Variants in USP30 observed in about 807,000 individuals in gnomAD.
The protein encoded by USP30 is ubiquitin carboxyl-terminal hydrolase 30.
A neutral mutation model predicts 68.2 loss-of-function variants in USP30; 41 were observed. The ratio of observed to expected loss-of-function variants is 0.60; its 90% CI spans 0.47 to 0.78. The LOEUF (loss-of-function observed/expected upper bound fraction) is 0.78. USP30 is among the 30% of genes least tolerant of loss of function. The pLI, the probability that USP30 is intolerant of heterozygous loss-of-function variation, is 0.00. For synonymous variants in USP30, 229 were observed against 253.7 expected, an observed-to-expected ratio of 0.90 and a Z score of 0.93; for missense variants, 522 against 649.4, an observed-to-expected ratio of 0.80 and a Z score of 2.13.
chr12:109,038,909 T>G (rs1021640544), intron 3 of USP30, among the ~76,000 whole-genome samples: 4 of 152,214 alleles, frequency 2.6e-5, no homozygotes, highest in African/African-American at 9.6e-5. Flanking sequence ...TCTCATATAC[T>G]GTATTGTGAA....
chr12:109,046,406 C>A (rs2040605514), intron 3 of USP30, among the ~76,000 whole-genome samples: 1 of 138,328 alleles, frequency 7.2e-6, no homozygotes, highest in African/African-American at 2.5e-5. Flanking sequence ...AGCCATTGCA[C>A]CCAGCCCAGT....
chr12:109,035,805 T>A (rs2040514799), intron 3 of USP30, among the ~76,000 whole-genome samples: 1 of 152,218 alleles, frequency 6.6e-6, no homozygotes, highest in Non-Finnish European at 1.5e-5. Flanking sequence ...CCCATCAGCA[T>A]AAATTTATAA....
At chr12:109,039,795 G>A (rs1354588163) in intron 3 of USP30, among the ~76,000 whole-genome samples, 1 of 152,160 alleles carries the variant, frequency 6.6e-6, no homozygotes, top group Non-Finnish European at 1.5e-5. Context: ...ATTTTTGGTA[G>A]AGATGTGGTT....
Position 109,057,781 on chromosome 12 carries a change from T to C in USP30, c.194-145T>C. On this transcript the variant is annotated intron_variant, in intron 2 of 12. Coordinates refer to ENST00000257548, the MANE Select transcript of USP30 (RefSeq NM_032663.5). ...CAAGCCTTGGCACAGATAGAAGGCC[T>C]GGCCCCAGATCTCTGTGGATAAGGA... 4.5e-6 allele frequency: 4 copies of C among 887,510 alleles called. No homozygotes were observed. The South Asian group carries it at 5.1e-5, about 11-fold the overall frequency. The allele number at this position is 887,510 out of a possible 1,614,324, so 55.0% of individuals were successfully genotyped here.
chr12:109,053,751 A>T (rs979311575), intron 1 of USP30: 1 of 266,348 alleles, frequency 3.8e-6, no homozygotes, highest in East Asian at 1.1e-4. Flanking sequence ...TCTCCTCGTG[A>T]TGTCATTTTG....
chr12:109,043,613 G>T (rs115798645), intron 3 of USP30, among the ~76,000 whole-genome samples: 1,860 of 152,242 alleles, frequency 0.012, 40 homozygotes, highest in African/African-American at 0.042. Context: ...GACCTAAAAT[G>T]ATAAAACTCT....
chr12:109,064,977 G>A (rs550528086), intron 3 of USP30, among the ~76,000 whole-genome samples: 50 of 152,258 alleles, frequency 3.3e-4, no homozygotes, highest in South Asian at 4.2e-4. Flanking sequence ...GCTAGCCCCA[G>A]GGTATATACA....
chr12:109,066,480 C>T (rs1324293724), intron 3 of USP30, among the ~76,000 whole-genome samples: 1 of 152,020 alleles, frequency 6.6e-6, no homozygotes, highest in South Asian at 2.1e-4. Context: ...GTTAGGAGTT[C>T]GAGACCAGCG....
At chr12:109,045,711 G>T (rs1451491746) in intron 3 of USP30, among the ~76,000 whole-genome samples, 1 of 152,168 alleles carries the variant, frequency 6.6e-6, no homozygotes, top group Non-Finnish European at 1.5e-5. Context: ...GGTCTTGTCG[G>T]TAACAAGTTT....
chr12:109,079,339 C>CTTTTTTTTTT (rs750712233), intron 7 of USP30, among the ~76,000 whole-genome samples: 84 of 62,274 alleles, frequency 1.3e-3, no homozygotes, highest in African/African-American at 1.5e-3. Context: ...TTTTCTTTTT[C>CTTTTTTTTTT]TTTTTTTTTT....
At chr12:109,074,873 T>TCTCCCCAC (rs1156694853) in intron 7 of USP30, among the ~76,000 whole-genome samples, 2 of 152,200 alleles carry the variant, frequency 1.3e-5, no homozygotes, top group African/African-American at 4.8e-5. Context: ...TTGAGCAACA[T>TCTCCCCAC]CTCCCCACCT....
intron 3 of USP30, among the ~76,000 whole-genome samples, chr12:109,043,777 A>G (rs1461225815): frequency 1.3e-5 from 2 of 152,262 alleles, no homozygotes; most frequent in Non-Finnish European, 2.9e-5. Flanking sequence ...CACTATCAAG[A>G]GTAAGAAAGC....
chr12:109,052,567 G>T, upstream of USP30: 2 of 1,128,178 alleles, frequency 1.8e-6, no homozygotes, highest in Non-Finnish European at 2.4e-6. Context: ...CCCCCGAGGT[G>T]CTGGGACTGC....
At chr12:109,060,140 G>A (rs1194007779) in intron 3 of USP30, 1 of 152,046 alleles carries the variant, frequency 6.6e-6, no homozygotes, top group Non-Finnish European at 1.5e-5. Context: ...TTTAATTTGG[G>A]TGAGGGCATA....
chr12:109,080,928 C>T (rs7961606), intron 7 of USP30, among the ~76,000 whole-genome samples: 5,104 of 152,242 alleles, frequency 0.034, 275 homozygotes, highest in African/African-American at 0.12. Context: ...GCGCGCTCTG[C>T]GATGTTTACA....
intron 4 of USP30, among the ~76,000 whole-genome samples, 158 bp from the exon 5 acceptor site, chr12:109,071,454 G>A (rs1253931797): frequency 6.6e-6 from 1 of 152,178 alleles, no homozygotes; most frequent in Non-Finnish European, 1.5e-5. Context: ...TCGTGACAGT[G>A]TCCAGGACAT....
At chr12:109,035,322 T>C (rs2040510758) in intron 3 of USP30, among the ~76,000 whole-genome samples, 1 of 151,950 alleles carries the variant, frequency 6.6e-6, no homozygotes. Flanking sequence ...CCCTGGAGAT[T>C]ACCATTACCA....
intron 7 of USP30, among the ~76,000 whole-genome samples, chr12:109,078,235 C>T (rs910372468): frequency 1.3e-5 from 2 of 152,038 alleles, no homozygotes; most frequent in Non-Finnish European, 2.9e-5. Flanking sequence ...ACCAGCATGG[C>T]CAACATGGTG....
intron 3 of USP30, among the ~76,000 whole-genome samples, chr12:109,044,428 A>G (rs934295028): frequency 2.6e-5 from 4 of 152,178 alleles, no homozygotes; most frequent in Non-Finnish European, 5.9e-5. Context: ...GTGTGAGGCC[A>G]GGAGTTTGAC....
Sources: allele counts gnomAD v4.1 joint callset (sites outside exome capture counted in the v4.1 genomes callset), GRCh38; gene constraint gnomAD v4.1.1; transcripts MANE v1.5; gene names NCBI Gene and HGNC (gene_info 2026-07-23, HGNC 2026-07-21).